Variants in PTBP3 observed in about 807,000 individuals in gnomAD.
The protein encoded by PTBP3 is polypyrimidine tract-binding protein 3.
Under a neutral mutation model 58.7 loss-of-function variants are expected in PTBP3, and 20 were observed. The ratio of observed to expected loss-of-function variants is 0.34; its 90% CI spans 0.24 to 0.50. PTBP3 has a LOEUF of 0.50. PTBP3 is among the 20% of genes least tolerant of loss of function. The pLI is 0.98. For missense variants in PTBP3, 509 were observed against 637.2 expected (o/e 0.80, Z 2.17); for synonymous variants, 185 against 219.8 (o/e 0.84, Z 1.40).
intron 2 of PTBP3, chr9:112,281,049 T>C (rs1326176414): frequency 6.6e-6 from 1 of 152,146 alleles, no homozygotes; most frequent in Non-Finnish European, 1.5e-5. Context: ...GGCAAGTACC[T>C]GTAGTCTCAG....
chr9:112,236,790 A>AGGGTTTATATCTGCTCCCT (rs1835455238), intron 7 of PTBP3, among the ~76,000 whole-genome samples: 1 of 152,150 alleles, frequency 6.6e-6, no homozygotes, highest in African/African-American at 2.4e-5. Context: ...AATGGCATTA[A>AGGGTTTATATCTGCTCCCT]GGGTTTATAT....
At chr9:112,262,720 C>A in intron 4 of PTBP3, 121 bp from the exon 5 acceptor site, 2 of 843,206 alleles carry the variant, frequency 2.4e-6, no homozygotes, top group East Asian at 3.3e-5. Flanking sequence ...TTTATCTACT[C>A]CGTCTGGAGA....
chr9:112,346,485 A>G, the PTBP3 span, among the ~76,000 whole-genome samples: 3 of 152,162 alleles, frequency 2.0e-5, no homozygotes, highest in Non-Finnish European at 4.4e-5. Context: ...TAAAAACTTG[A>G]TGTAGGACAC....
intron 1 of PTBP3, among the ~76,000 whole-genome samples, chr9:112,299,957 T>C (rs1272961777): frequency 6.6e-6 from 1 of 152,246 alleles, no homozygotes; most frequent in Admixed American, 6.5e-5. Context: ...AATAAATGTT[T>C]TTTTAAACAA....
At chr9:112,252,505 T>C (rs891232749) in intron 6 of PTBP3, 173 bp downstream of exon 6, 2 of 539,928 alleles carry the variant, frequency 3.7e-6, no homozygotes, top group African/African-American at 6.2e-5. Flanking sequence ...GAAGTAGTAA[T>C]GATTTTTAGC....
At chr9:112,318,930 C>T (rs1829811322) in intron 1 of PTBP3, among the ~76,000 whole-genome samples, 1 of 151,868 alleles carries the variant, frequency 6.6e-6, no homozygotes, top group African/African-American at 2.4e-5. Context: ...GAGTTCAAGA[C>T]CAGCCTGACC....
rs543502971 is a variant in PTBP3 at position 112,276,153 on chromosome 9, G to A, written c.35-140C>T. On this transcript the variant is annotated intron_variant, in intron 2 of 13. Transcript: ENST00000374257. ...AAACGTGGGGCTGATGGGGGTAGGT[G>A]GAAAAGGAGAGTAGAAAACAAAACC... is the stretch of plus-strand genomic sequence containing the variant. The A allele has an allele frequency of 5.7e-4, 390 of 688,308 alleles. 1 individual carries two copies. The highest frequency in any genetic ancestry group is 8.6e-4 in the Non-Finnish European group (359 of 419,734). The allele number at this position is 688,308 out of a possible 1,614,324, so 42.6% of individuals were successfully genotyped here. A position where few individuals can be genotyped will look rare whatever the true frequency, so the allele number is the denominator to read the frequency against.
intron 1 of PTBP3, chr9:112,298,691 C>T: frequency 3.0e-6 from 1 of 334,098 alleles, no homozygotes; most frequent in Non-Finnish European, 5.8e-6. Flanking sequence ...AATCCCCAAA[C>T]AATCCTACAA....
intron 1 of PTBP3, among the ~76,000 whole-genome samples, chr9:112,315,360 C>T (rs570198677): frequency 6.7e-6 from 1 of 150,190 alleles, no homozygotes; most frequent in South Asian, 2.1e-4. Context: ...AAATTAAACA[C>T]ATTTATAAAA....
chr9:112,223,474 AT>A lies in PTBP3; in HGVS notation c.*376del. 1.1e-6 allele frequency: 1 copy of A among 914,930 alleles called. No individual in the cohort carries two copies. Among genetic ancestry groups the A allele is most frequent in the Non-Finnish European group, 1.3e-6 (1 of 762,924 alleles). 56.7% of individuals were successfully genotyped at this position (914,930 alleles called of 1,614,324 possible). A position where few individuals can be genotyped will look rare whatever the true frequency, so the allele number is the denominator to read the frequency against. On this transcript the variant is annotated 3_prime_UTR_variant, in exon 14 of 14. Coordinates refer to ENST00000374257, the MANE Select transcript of PTBP3 (RefSeq NM_001163788.4). Reference sequence around the variant, plus strand: ...AGTAATTTTAGAAGTCTGTGTTTAAATTTTTTAAAAGTACAAATGAGTTTAG... The same window carrying A: ...AGTAATTTTAGAAGTCTGTGTTTAAATTTTTAAAAGTACAAATGAGTTTAG...
chr9:112,227,435 G>A lies in PTBP3; in HGVS notation c.1340C>T (p.Ala447Val), dbSNP rs762252753. ...CGGAATGTTGGAAAGATGCAGAGTG[G>A]CTGATGGTGGAAAGATATTCTGGAA... ...KNFQNIFPPS[A>V]TLHLSNIPPS... Residue 447 changes from alanine (A) to valine (V), a missense_variant, in exon 12 of 14, where the codon GCC (alanine) becomes GTC (valine). Coordinates refer to ENST00000374257, the MANE Select transcript of PTBP3 (RefSeq NM_001163788.4). The A allele has an allele frequency of 1.2e-6, 2 of 1,613,908 alleles. No homozygotes were observed. Among genetic ancestry groups the A allele is most frequent in the South Asian group, 2.2e-5 (2 of 91,072 alleles).
intron 2 of PTBP3, among the ~76,000 whole-genome samples, chr9:112,285,858 C>A (rs1354699941): frequency 1.3e-5 from 2 of 152,176 alleles, no homozygotes; most frequent in Non-Finnish European, 2.9e-5. Context: ...TGTTCTATAC[C>A]TTTACTGATT....
At chr9:112,225,798 T>C (rs1194311415) in intron 12 of PTBP3, among the ~76,000 whole-genome samples, 1 of 152,190 alleles carries the variant, frequency 6.6e-6, no homozygotes, top group African/African-American at 2.4e-5. Flanking sequence ...CGTTCACGTC[T>C]CTAATCCCAA....
At chr9:112,355,195 C>A in the PTBP3 span, among the ~76,000 whole-genome samples, 2 of 152,096 alleles carry the variant, frequency 1.3e-5, no homozygotes, top group African/African-American at 4.8e-5. Flanking sequence ...ATGAGACCAA[C>A]CCCTGTGAGT....
chr9:112,254,192 G>A (rs1430569736), intron 5 of PTBP3, among the ~76,000 whole-genome samples: 7 of 151,834 alleles, frequency 4.6e-5, no homozygotes, highest in African/African-American at 1.7e-4. Context: ...CACTATGTTG[G>A]CCAGGCTGGT....
rs930135715 is a variant in PTBP3 at position 112,233,449 on chromosome 9, C to G, written c.881-1211G>C. Among the ~76,000 whole-genome samples the G allele has an allele frequency of 1.6e-4, 25 of 151,894 alleles. 1 individual carries two copies. The highest frequency in any genetic ancestry group is 3.2e-3 in the Middle Eastern group (1 of 316). ...ATATCCAAAATGAGGGAAAACATAT[C>G]AAAATGTCCACCAATTGTTAAACCT... On this transcript the variant is annotated intron_variant, in intron 8 of 13. Transcript: ENST00000374257.
intron 2 of PTBP3, among the ~76,000 whole-genome samples, chr9:112,288,926 G>A (rs893654636): frequency 1.3e-5 from 2 of 152,206 alleles, no homozygotes; most frequent in Non-Finnish European, 2.9e-5. Flanking sequence ...ACTGATCAGA[G>A]AAACTAGTGT....
At chr9:112,293,054 C>T (rs991677712) in intron 2 of PTBP3, among the ~76,000 whole-genome samples, 33 of 151,626 alleles carry the variant, frequency 2.2e-4, no homozygotes, top group Admixed American at 8.5e-4. Context: ...ATGAGAAGAA[C>T]GAAAGGGATT....
chr9:112,349,863 C>CAAAAAAAAAAAAAAAAAAAAAA, the PTBP3 span, among the ~76,000 whole-genome samples: 2 of 49,696 alleles, frequency 4.0e-5, no homozygotes, highest in African/African-American at 9.1e-5. Flanking sequence ...GACTCTGTCT[C>CAAAAAAAAAAAAAAAAAAAAAA]AAAAAAAAAA....
Sources: gnomAD v4.1 joint callset for allele counts (sites outside exome capture counted in the v4.1 genomes callset) on GRCh38, gnomAD v4.1.1 for gene constraint, MANE v1.5 for transcripts, NCBI Gene and HGNC (gene_info 2026-07-23, HGNC 2026-07-21) for gene names.